POLR1A: variants seen among roughly 807,000 people sequenced by gnomAD.
POLR1A encodes RNA polymerase I subunit A.
POLR1A carries 84 observed loss-of-function variants against 205.3 expected under a neutral mutation model. That is an observed-to-expected ratio of 0.41 (90% confidence interval 0.34 to 0.49). The LOEUF is 0.49. Among genes scored for constraint, POLR1A ranks in the 20% least tolerant of loss-of-function variants. POLR1A has a pLI of 0.22. For synonymous variants in POLR1A, 799 were observed against 863.7 expected (o/e 0.93, Z 1.31); for missense variants, 1,645 against 2,204.5 (o/e 0.75, Z 5.08).
intron 10 of POLR1A, 32 bp from the exon 11 acceptor site, chr2:86,078,013 T>A: frequency 6.2e-7 from 1 of 1,613,828 alleles, no homozygotes; most frequent in Non-Finnish European, 8.5e-7. Context: ...TAAAAAACAT[T>A]CAACAAGAAT....
At chr2:86,030,982 TG>T (rs1456746531) in intron 30 of POLR1A, among the ~76,000 whole-genome samples, 1 of 151,964 alleles carries the variant, frequency 6.6e-6, no homozygotes, top group East Asian at 1.9e-4. Context: ...TTAAAGGAGG[TG>T]GTGTATTTGA....
rs1230514727 is a variant in POLR1A, at chr2:86,025,800, AGAAT to A, written c.*1619_*1622del. 1 of 148,672 alleles carries A rather than the reference AGAAT, an allele frequency of 6.7e-6. No individual in the cohort carries two copies. The highest frequency in any genetic ancestry group is 1.5e-5 in the Non-Finnish European group (1 of 68,010). 9.2% of individuals were successfully genotyped at this position (148,672 alleles called of 1,614,324 possible). On this transcript the variant is annotated 3_prime_UTR_variant, in exon 34 of 34. Coordinates refer to ENST00000263857, the MANE Select transcript of POLR1A (RefSeq NM_015425.6). ...CAAGTGAATATGGCCTTTAACTCAA[AGAAT>A]GAATGTCTTACCCTGCAGGCTGGGC...
intron 3 of POLR1A, among the ~76,000 whole-genome samples, chr2:86,096,238 A>G (rs1211965580): frequency 6.6e-6 from 1 of 152,120 alleles, no homozygotes; most frequent in Non-Finnish European, 1.5e-5. Context: ...GATGTGAAAG[A>G]CTCTTGGAAA....
chr2:86,069,404 C>T (rs1673136413), intron 13 of POLR1A, among the ~76,000 whole-genome samples: 1 of 152,176 alleles, frequency 6.6e-6, no homozygotes, highest in South Asian at 2.1e-4. Context: ...CTAACTCAGG[C>T]CCCTGCCACT....
chr2:86,045,409 G>A (rs546400657), intron 20 of POLR1A, 49 bp from the exon 21 acceptor site: 22 of 1,442,220 alleles, frequency 1.5e-5, no homozygotes, highest in Middle Eastern at 1.8e-4. Flanking sequence ...AGGACAGTGC[G>A]CTTCCTGAAG....
rs530685233 is a variant in POLR1A at position 86,070,138 on chromosome 2, G to A, written c.1746C>T (p.Cys582=). The change falls in exon 13 of 34, where the codon TGC becomes TGT. Residue 582 remains cysteine (C), a synonymous_variant. Transcript: ENST00000263857. The surrounding 1 kb of genome is among the most constrained non-coding windows in gnomAD (Gnocchi z 4.4). Reference sequence around the variant, plus strand: ...CATCAAAGTCGGCATTATAGGCCTTGCAGTTGGCATAGTGGAGCCGCAGCA... The same window carrying A: ...CATCAAAGTCGGCATTATAGGCCTTACAGTTGGCATAGTGGAGCCGCAGCA... ...EKVLRLHYAN[C]KAYNADFDGD... is the part of the protein sequence containing the mutation. 1.1e-5 allele frequency: 18 copies of A among 1,614,246 alleles called. No individual in the cohort carries two copies. The East Asian group carries it at 3.6e-4, about 32-fold the overall frequency.
chr2:86,056,740 A>G (rs1405576341), intron 14 of POLR1A, among the ~76,000 whole-genome samples: 1 of 150,952 alleles, frequency 6.6e-6, no homozygotes, highest in African/African-American at 2.4e-5. Context: ...ATTATGCTAA[A>G]TCGACTCTGC....
intron 6 of POLR1A, among the ~76,000 whole-genome samples, chr2:86,086,037 G>A (rs912468783): frequency 8.6e-5 from 13 of 151,834 alleles, no homozygotes; most frequent in Non-Finnish European, 1.8e-4. Flanking sequence ...AGTCCATGGG[G>A]ACTACTCAGG....
At chr2:86,079,272 T>C (rs1673352190) in intron 9 of POLR1A, among the ~76,000 whole-genome samples, 1 of 152,136 alleles carries the variant, frequency 6.6e-6, no homozygotes. Flanking sequence ...GGAGATACGA[T>C]CACCTGCATG....
At chr2:86,054,652 A>AT (rs1361058543) in intron 14 of POLR1A, among the ~76,000 whole-genome samples, 1 of 152,272 alleles carries the variant, frequency 6.6e-6, no homozygotes, top group Non-Finnish European at 1.5e-5. Flanking sequence ...ACATACTCAG[A>AT]TATTTCTTTA....
intron 8 of POLR1A, 42 bp downstream of exon 8, chr2:86,081,559 A>T: frequency 7.8e-7 from 1 of 1,277,642 alleles, no homozygotes; most frequent in Non-Finnish European, 1.1e-6. Flanking sequence ...GTTCCTTAGT[A>T]CGCTTTTTTT....
intron 6 of POLR1A, among the ~76,000 whole-genome samples, chr2:86,083,718 T>C (rs562856357): frequency 6.6e-6 from 1 of 152,366 alleles, no homozygotes; most frequent in Admixed American, 6.5e-5. Context: ...TTATAATAAA[T>C]ATCTTTATCT....
intron 14 of POLR1A, among the ~76,000 whole-genome samples, chr2:86,061,008 C>T (rs1179517517): frequency 1.3e-5 from 2 of 152,114 alleles, no homozygotes; most frequent in Admixed American, 1.3e-4. Context: ...AGGCACATCA[C>T]AAAAGATGAT....
At chr2:86,094,794 C>T (rs553002431) in intron 3 of POLR1A, among the ~76,000 whole-genome samples, 17 of 152,282 alleles carry the variant, frequency 1.1e-4, no homozygotes, top group African/African-American at 3.9e-4. Context: ...ATCAACATCT[C>T]TCTCTCTCCC....
At chr2:86,081,569 TCAGGTGAAA>T in intron 8 of POLR1A, 23 bp downstream of exon 8, 4 of 1,378,596 alleles carry the variant, frequency 2.9e-6, no homozygotes, top group Admixed American at 4.0e-5. Context: ...ACGCTTTTTT[TCAGGTGAAA>T]TAAGTTAATT....
intron 31 of POLR1A, among the ~76,000 whole-genome samples, chr2:86,029,599 C>CT (rs35348861): frequency 0.29 from 39,613 of 137,576 alleles, 10,028 homozygotes; most frequent in African/African-American, 0.68. Flanking sequence ...TAATTTCTTT[C>CT]TTTTTTTTTT....
At chr2:86,097,556 T>C (rs949706545) in intron 3 of POLR1A, among the ~76,000 whole-genome samples, 2 of 152,306 alleles carry the variant, frequency 1.3e-5, no homozygotes, top group Admixed American at 1.3e-4. Context: ...GAATACTATT[T>C]GGCCATAATA....
intron 25 of POLR1A, chr2:86,039,945 T>C (rs3770087): frequency 0.14 from 27,408 of 195,724 alleles, 4,932 homozygotes; most frequent in African/African-American, 0.45. Flanking sequence ...AGGGACTGAA[T>C]GCAGATGGGT....
intron 27 of POLR1A, among the ~76,000 whole-genome samples, chr2:86,034,883 A>T (rs148585955): frequency 6.6e-6 from 1 of 151,394 alleles, no homozygotes; most frequent in African/African-American, 2.4e-5. Context: ...AGTTCCCCCC[A>T]CCGTCCCGAG....
Sources: allele counts gnomAD v4.1 joint callset (sites outside exome capture counted in the v4.1 genomes callset), GRCh38; gene constraint gnomAD v4.1.1; non-coding constraint Gnocchi (gnomAD v3.1); transcripts MANE v1.5; gene names NCBI Gene and HGNC (gene_info 2026-07-23, HGNC 2026-07-21).